JDP2: variants seen among roughly 807,000 people sequenced by gnomAD.
JDP2 encodes the protein progesterone receptor co-activator.
JDP2 carries 9 observed loss-of-function variants against 17.1 expected under a neutral mutation model. The ratio of observed to expected loss-of-function variants is 0.53; its 90% CI spans 0.32 to 0.92. The LOEUF (loss-of-function observed/expected upper bound fraction) is 0.92. Ranked by LOEUF, JDP2 falls within the 40% of genes least tolerant of loss-of-function variation. JDP2 has a pLI of 0.04. For missense variants in JDP2, 179 were observed against 220.0 expected (o/e 0.81, Z 1.18); for synonymous variants, 107 against 95.6 (o/e 1.12, Z -0.69).
At chr14:75,442,487 C>T (rs922032525) in intron 2 of JDP2, among the ~76,000 whole-genome samples, 11 of 152,196 alleles carry the variant, frequency 7.2e-5, no homozygotes, top group Non-Finnish European at 1.3e-4. Context: ...GTTTATGTCC[C>T]ACAGACCTTG....
chr14:75,434,926 T>TA (rs1196020073), intron 1 of JDP2, among the ~76,000 whole-genome samples: 4 of 152,238 alleles, frequency 2.6e-5, no homozygotes, highest in Non-Finnish European at 2.9e-5. Context: ...TTTATTCACT[T>TA]AGTTATTATT....
chr14:75,469,619 C>G lies in JDP2; in HGVS notation c.*144C>G, dbSNP rs570047087. On this transcript the variant is annotated 3_prime_UTR_variant, in exon 4 of 4. Coordinates refer to ENST00000651602, the MANE Select transcript of JDP2 (RefSeq NM_001135048.2). ...TTCAGCACAGCCAGCATCAGCCGAG[C>G]TTTTTTGTGAAACTCAGATCAGCCA... 1 of 734,752 alleles carries G rather than the reference C, an allele frequency of 1.4e-6. No individual in the cohort carries two copies. Among genetic ancestry groups the G allele is most frequent in the African/African-American group, 1.8e-5 (1 of 55,982 alleles). The allele number at this position is 734,752 out of a possible 1,614,324, so 45.5% of individuals were successfully genotyped here. A position where few individuals can be genotyped will look rare whatever the true frequency, so the allele number is the denominator to read the frequency against.
At chr14:75,468,231 G>T (rs889189271) in intron 3 of JDP2, among the ~76,000 whole-genome samples, 26 of 152,176 alleles carry the variant, frequency 1.7e-4, no homozygotes, top group Admixed American at 3.3e-4. Flanking sequence ...GCTGGCCTGT[G>T]CATTGAAGGG....
intron 1 of JDP2, chr14:75,432,003 A>C: frequency 2.1e-6 from 1 of 465,948 alleles, no homozygotes; most frequent in Non-Finnish European, 3.8e-6. Flanking sequence ...CAGAGAGGTT[A>C]GGGAACTTGC....
At position 75,439,738 on chromosome 14, in the gene JDP2, G is replaced by A. The variant is rs973984899; in HGVS notation, c.201+1617G>A. On this transcript the variant is annotated intron_variant, in intron 2 of 3. Transcript: ENST00000651602. ...CCAATGTGTCGTTGGGGCACATCCCGGCTTATATAGTGTTCTGTCTTCACG... is the reference window on the plus strand; with the variant it reads ...CCAATGTGTCGTTGGGGCACATCCCAGCTTATATAGTGTTCTGTCTTCACG... Among the ~76,000 whole-genome samples, 4 of 152,140 alleles carry A rather than the reference G, an allele frequency of 2.6e-5. 1 individual carries two copies. Among genetic ancestry groups the A allele is most frequent in the South Asian group, 4.1e-4 (2 of 4,820 alleles).
chr14:75,429,172 T>G (rs893548473), intron 1 of JDP2, among the ~76,000 whole-genome samples: 1 of 152,134 alleles, frequency 6.6e-6, no homozygotes, highest in Admixed American at 6.5e-5. Flanking sequence ...CTGGCTCTTT[T>G]GCAGGGATGG....
intron 2 of JDP2, among the ~76,000 whole-genome samples, chr14:75,439,819 T>G (rs1885252015): frequency 6.6e-6 from 1 of 152,154 alleles, no homozygotes; most frequent in Non-Finnish European, 1.5e-5. Context: ...GTCTGTAACT[T>G]GAGAGCATCT....
At position 75,472,670 on chromosome 14, in the gene JDP2, T is replaced by TAA. The variant is rs1886840418; in HGVS notation, c.*3195_*3196insAA. ...AAAAAAGGAATGGATATACAAAGTG[T>TAA]TTTGTGAAATAAAAGCTCCCTAAAA... On this transcript the variant is annotated 3_prime_UTR_variant, in exon 4 of 4. Coordinates refer to ENST00000651602, the MANE Select transcript of JDP2 (RefSeq NM_001135048.2). 2.0e-5 allele frequency: 3 copies of TAA among 152,260 alleles called. No homozygotes were observed. Among genetic ancestry groups the TAA allele is most frequent in the African/African-American group, 7.2e-5 (3 of 41,474 alleles). 9.4% of individuals were successfully genotyped at this position (152,260 alleles called of 1,614,324 possible).
At chr14:75,456,238 T>C (rs187085793) in intron 2 of JDP2, among the ~76,000 whole-genome samples, 1 of 152,236 alleles carries the variant, frequency 6.6e-6, no homozygotes, top group African/African-American at 2.4e-5. Flanking sequence ...GTGTGTCTTC[T>C]GTTGATTGTT....
intron 2 of JDP2, chr14:75,444,964 CCTTAT>C (rs1487890036): frequency 3.6e-6 from 1 of 280,390 alleles, no homozygotes; most frequent in East Asian, 1.7e-4. Flanking sequence ...TTCTGTGACC[CCTTAT>C]CTTGTTTCCT....
At chr14:75,437,148 C>G (rs182418966) in intron 1 of JDP2, among the ~76,000 whole-genome samples, 47 of 137,926 alleles carry the variant, frequency 3.4e-4, no homozygotes, top group African/African-American at 1.3e-3. Context: ...GAGCTGAGAT[C>G]GTGCCACTGC....
intron 1 of JDP2, among the ~76,000 whole-genome samples, chr14:75,433,308 A>G (rs941586725): frequency 4.8e-5 from 7 of 146,452 alleles, no homozygotes; most frequent in African/African-American, 1.7e-4. Context: ...TTTTGCACCA[A>G]CCTAATATTT....
intron 2 of JDP2, among the ~76,000 whole-genome samples, chr14:75,460,516 A>G (rs1329211752): frequency 1.3e-5 from 2 of 152,086 alleles, no homozygotes; most frequent in African/African-American, 4.8e-5. Flanking sequence ...GGAATGTGGA[A>G]CCTGTGTCCA....
At position 75,472,808 on chromosome 14, in the gene JDP2, C is replaced by G. The variant is rs1566753559; in HGVS notation, c.*3333C>G. 1 of 152,336 alleles carries G rather than the reference C, an allele frequency of 6.6e-6. No homozygotes were observed. Among genetic ancestry groups the G allele is most frequent in the East Asian group, 1.9e-4 (1 of 5,186 alleles). 9.4% of individuals were successfully genotyped at this position (152,336 alleles called of 1,614,324 possible). A position where few individuals can be genotyped will look rare whatever the true frequency, so the allele number is the denominator to read the frequency against. ...TGGGCTGCCAAGTTTGTGTTCTGAC[C>G]CTGTACGTGGTCCCTATGGTGTGAT... On this transcript the variant is annotated 3_prime_UTR_variant, in exon 4 of 4. Coordinates refer to ENST00000651602, the MANE Select transcript of JDP2 (RefSeq NM_001135048.2).
intron 1 of JDP2, among the ~76,000 whole-genome samples, chr14:75,429,606 T>TG (rs147375743): frequency 6.5e-4 from 99 of 152,258 alleles, no homozygotes; most frequent in African/African-American, 2.2e-3. Context: ...GGCTGCAGCT[T>TG]GGATGGATAG....
At chr14:75,453,495 CGCT>C (rs1650298045) in intron 2 of JDP2, among the ~76,000 whole-genome samples, 1 of 152,222 alleles carries the variant, frequency 6.6e-6, no homozygotes, top group African/African-American at 2.4e-5. Context: ...GCCAGTGTGC[CGCT>C]GCTGCAATAG....
Position 75,471,790 on chromosome 14 carries a change from G to T in JDP2, c.*2315G>T, listed in dbSNP as rs773673598. Reference sequence around the variant, plus strand: ...CTGTCTCGGGGGTCTTGAGGCTGTCGGTCCGGACGATGCAGGTGAGGCAGT... The same window carrying T: ...CTGTCTCGGGGGTCTTGAGGCTGTCTGTCCGGACGATGCAGGTGAGGCAGT... On this transcript the variant is annotated 3_prime_UTR_variant, in exon 4 of 4. Coordinates refer to ENST00000651602, the MANE Select transcript of JDP2 (RefSeq NM_001135048.2). 1 of 157,142 alleles carries T rather than the reference G, an allele frequency of 6.4e-6. No homozygotes were observed. The allele number at this position is 157,142 out of a possible 1,614,324, so 9.7% of individuals were successfully genotyped here.
At chr14:75,452,921 A>T (rs550865594) in intron 2 of JDP2, among the ~76,000 whole-genome samples, 74 of 152,362 alleles carry the variant, frequency 4.9e-4, no homozygotes, top group African/African-American at 1.8e-3. Context: ...GACCTTGGCC[A>T]CTGAGTAAGA....
At chr14:75,454,794 A>G (rs906859375) in intron 2 of JDP2, among the ~76,000 whole-genome samples, 4 of 152,044 alleles carry the variant, frequency 2.6e-5, no homozygotes, top group African/African-American at 9.7e-5. Context: ...GAGAGGAAGA[A>G]GGCCCATTGT....
Sources: gnomAD v4.1 joint callset for allele counts (sites outside exome capture counted in the v4.1 genomes callset) on GRCh38, gnomAD v4.1.1 for gene constraint, MANE v1.5 for transcripts, NCBI Gene and HGNC (gene_info 2026-07-23, HGNC 2026-07-21) for gene names.